Variants in HCN1 observed in about 807,000 individuals in gnomAD.
HCN1 encodes the protein hyperpolarization activated cyclic nucleotide gated potassium channel 1, also known as potassium/sodium hyperpolarization-activated cyclic nucleotide-gated channel 1.
A neutral mutation model predicts 78.9 loss-of-function variants in HCN1; 13 were observed. That is an observed-to-expected ratio of 0.16 (90% CI 0.11 to 0.26). The LOEUF is 0.26. Among genes scored for constraint, HCN1 ranks in the 10% least tolerant of loss-of-function variants. The pLI, the probability that HCN1 is intolerant of heterozygous loss-of-function variation, is 1.00. For synonymous variants in HCN1, 552 were observed against 455.5 expected, an observed-to-expected ratio of 1.21 and a Z score of -2.70; for missense variants, 810 against 1,154.3, an observed-to-expected ratio of 0.70 and a Z score of 4.32.
intron 5 of HCN1, among the ~76,000 whole-genome samples, chr5:45,318,954 G>T (rs961133161): frequency 6.6e-6 from 1 of 151,946 alleles, no homozygotes; most frequent in African/African-American, 2.4e-5. Context: ...ATACTGTGTA[G>T]TCTTTTGTGT....
At chr5:45,493,079 C>A (rs944279215) in intron 2 of HCN1, among the ~76,000 whole-genome samples, 101 of 152,100 alleles carry the variant, frequency 6.6e-4, no homozygotes, top group Admixed American at 1.8e-3. Flanking sequence ...CATACAAATT[C>A]TTGTAAAATA....
intron 3 of HCN1, among the ~76,000 whole-genome samples, chr5:45,399,501 C>T (rs1387496813): frequency 2.0e-5 from 3 of 152,192 alleles, no homozygotes; most frequent in Non-Finnish European, 4.4e-5. Context: ...TGTGCAACTT[C>T]AAGGTCACAT....
At chr5:45,483,730 G>A (rs1741704016) in intron 2 of HCN1, among the ~76,000 whole-genome samples, 1 of 152,038 alleles carries the variant, frequency 6.6e-6, no homozygotes, top group Non-Finnish European at 1.5e-5. Context: ...TAGGTTTTCT[G>A]CCATGATTTT....
Position 45,650,015 on chromosome 5 carries a change from G to A in HCN1, c.426-4407C>T, listed in dbSNP as rs979588775. 2.0e-5 allele frequency among the ~76,000 whole-genome samples: 3 copies of A among 152,084 alleles called. No homozygotes were observed. In the East Asian group the frequency reaches 5.8e-4, roughly 29 times the overall value. On this transcript the variant is annotated intron_variant, in intron 1 of 7. Transcript: ENST00000303230. ...TAGGTTAGATATCTAAAAAACAAAA[G>A]AGTTGTGTATTTGAGATGTTTTTAC...
intron 2 of HCN1, among the ~76,000 whole-genome samples, chr5:45,516,752 C>G (rs1742523378): frequency 1.3e-5 from 2 of 151,886 alleles, no homozygotes; most frequent in South Asian, 4.1e-4. Flanking sequence ...TTGAGGATTA[C>G]TGAAGTCTCT....
intron 5 of HCN1, among the ~76,000 whole-genome samples, chr5:45,317,794 G>A (rs1427942965): frequency 6.6e-6 from 1 of 152,126 alleles, no homozygotes; most frequent in African/African-American, 2.4e-5. Context: ...CATTTATGCA[G>A]CCAACAGACA....
intron 3 of HCN1, among the ~76,000 whole-genome samples, chr5:45,407,878 T>C (rs1185019196): frequency 6.6e-6 from 1 of 152,110 alleles, no homozygotes; most frequent in Admixed American, 6.6e-5. Context: ...GACATTCCAG[T>C]GGGACAAGGT....
chr5:45,320,134 T>C (rs1485438343), intron 5 of HCN1, among the ~76,000 whole-genome samples: 3 of 151,866 alleles, frequency 2.0e-5, no homozygotes, highest in Admixed American at 1.3e-4. Context: ...TTTTAGACTA[T>C]ACAGAGCATA....
chr5:45,374,289 A>C (rs1421261388), intron 4 of HCN1, among the ~76,000 whole-genome samples: 1 of 105,884 alleles, frequency 9.4e-6, no homozygotes, highest in East Asian at 2.9e-4. Flanking sequence ...CATTATATAC[A>C]TTATATATAT....
In HCN1 at chr5:45,262,685, C is replaced by A; in HGVS notation, c.1909G>T (p.Ala637Ser). ...GTCATTTGAGGATAATTGATGGGAG[C>A]GATTGCCTGCACCATCTCCCTGTCA... ...KHDREMVQAI[A>S]PINYPQMTTL... Residue 637 changes from alanine to serine, a missense_variant, in exon 8 of 8, where the codon GCT becomes TCT. Transcript: ENST00000303230. 6.2e-7 allele frequency: 1 copy of A among 1,613,974 alleles called. No homozygotes were observed. Among genetic ancestry groups the A allele is most frequent in the Non-Finnish European group, 8.5e-7 (1 of 1,180,010 alleles).
chr5:45,571,832 T>C (rs1743843107), intron 2 of HCN1, among the ~76,000 whole-genome samples: 1 of 152,158 alleles, frequency 6.6e-6, no homozygotes, highest in African/African-American at 2.4e-5. Flanking sequence ...GAGAATTGCC[T>C]GAACCTGGGA....
intron 5 of HCN1, among the ~76,000 whole-genome samples, chr5:45,304,493 T>G (rs376660948): frequency 6.6e-6 from 1 of 152,000 alleles, no homozygotes; most frequent in South Asian, 2.1e-4. Context: ...CTGGTCAAGA[T>G]AGTGAAACCC....
chr5:45,429,736 C>A (rs1055680555), intron 3 of HCN1, among the ~76,000 whole-genome samples: 2 of 152,058 alleles, frequency 1.3e-5, no homozygotes, highest in African/African-American at 4.8e-5. Context: ...GGTAGGCTGG[C>A]AGATAGGTCA....
chr5:45,500,001 T>C (rs1742155151), intron 2 of HCN1, among the ~76,000 whole-genome samples: 2 of 152,104 alleles, frequency 1.3e-5, no homozygotes, highest in African/African-American at 2.4e-5. Flanking sequence ...AAATTAAAGA[T>C]TCTAGAAGTA....
chr5:45,264,548 A>G (rs917206861), intron 7 of HCN1, among the ~76,000 whole-genome samples: 5 of 152,230 alleles, frequency 3.3e-5, no homozygotes, highest in African/African-American at 1.2e-4. Context: ...ATTTTAAATG[A>G]CTGCCAAAAT....
chr5:45,483,164 A>C (rs1353415950), intron 2 of HCN1, among the ~76,000 whole-genome samples: 1 of 152,142 alleles, frequency 6.6e-6, no homozygotes, highest in Non-Finnish European at 1.5e-5. Flanking sequence ...CTCTGTTTTA[A>C]GGTCTTTGAG....
chr5:45,531,094 TG>T (rs1304915614), intron 2 of HCN1, among the ~76,000 whole-genome samples: 1 of 151,552 alleles, frequency 6.6e-6, no homozygotes, highest in Non-Finnish European at 1.5e-5. Context: ...AATCATCACA[TG>T]AAAAAAACAG....
chr5:45,646,367 C>CTTTTTTTTTT (rs201964510), intron 1 of HCN1, among the ~76,000 whole-genome samples: 3 of 123,520 alleles, frequency 2.4e-5, no homozygotes, highest in Non-Finnish European at 3.3e-5. Context: ...TTCTTTCTTT[C>CTTTTTTTTTT]TTTTTTTTTT....
Position 45,361,478 on chromosome 5 carries a change from A to G in HCN1, c.1231-8232T>C, listed in dbSNP as rs184088091. Among the ~76,000 whole-genome samples the G allele has an allele frequency of 6.4e-4, 97 of 152,300 alleles. 1 individual carries two copies. The East Asian group carries it at 0.011, about 17-fold the overall frequency. On this transcript the variant is annotated intron_variant, in intron 4 of 7. Transcript: ENST00000303230. ...CAGGCATGCACCACCATGCCCAGCT[A>G]ATTTTGTATTTTCAGTAGAGATGGG...
Sources: allele counts gnomAD v4.1 joint callset (sites outside exome capture counted in the v4.1 genomes callset), GRCh38; gene constraint gnomAD v4.1.1; transcripts MANE v1.5; gene names NCBI Gene and HGNC (gene_info 2026-07-23, HGNC 2026-07-21).